LMBRD1: variants seen among roughly 807,000 people sequenced by gnomAD.
LMBRD1 encodes LMBR1 domain containing 1, also known as lysosomal cobalamin transport escort protein LMBD1.
LMBRD1 carries 64 observed loss-of-function variants against 74.8 expected under a neutral mutation model. That is an observed-to-expected ratio of 0.86 (90% confidence interval 0.70 to 1.05). LMBRD1 has a LOEUF of 1.05. Ranked by LOEUF, LMBRD1 falls within the 50% of genes least tolerant of loss-of-function variation. LMBRD1 has a pLI of 0.00. For synonymous variants in LMBRD1, 204 were observed against 216.3 expected, an observed-to-expected ratio of 0.94 and a Z score of 0.50; for missense variants, 652 against 645.9, an observed-to-expected ratio of 1.01 and a Z score of -0.10.
intron 1 of LMBRD1, among the ~76,000 whole-genome samples, chr6:69,791,326 G>A (rs1766078291): frequency 6.6e-6 from 1 of 152,156 alleles, no homozygotes; most frequent in Non-Finnish European, 1.5e-5. Flanking sequence ...GCTGGTCCAG[G>A]GCTGTATTTT....
intron 14 of LMBRD1, among the ~76,000 whole-genome samples, chr6:69,687,617 A>C (rs796718446): frequency 2.0e-5 from 3 of 152,332 alleles, no homozygotes; most frequent in Admixed American, 6.5e-5. Context: ...GCTTCTCCGT[A>C]TTACTAAAGA....
chr6:69,730,747 G>A (rs778731952), intron 7 of LMBRD1, among the ~76,000 whole-genome samples: 1 of 152,024 alleles, frequency 6.6e-6, no homozygotes, highest in Admixed American at 6.6e-5. Context: ...AAGATGCATC[G>A]GTAGTAAAGA....
At chr6:69,774,399 T>C (rs997988816) in intron 3 of LMBRD1, among the ~76,000 whole-genome samples, 23 of 152,348 alleles carry the variant, frequency 1.5e-4, no homozygotes, top group East Asian at 1.9e-4. Context: ...ACATGAGGAA[T>C]TGATAGGCCA....
At chr6:69,677,242 T>A (rs1422683324) in intron 14 of LMBRD1, among the ~76,000 whole-genome samples, 1 of 152,134 alleles carries the variant, frequency 6.6e-6, no homozygotes. Flanking sequence ...GGTCTGTATG[T>A]TCAGATTCTT....
At chr6:69,678,456 C>T (rs966239425) in intron 14 of LMBRD1, among the ~76,000 whole-genome samples, 3 of 151,854 alleles carry the variant, frequency 2.0e-5, no homozygotes, top group African/African-American at 7.3e-5. Flanking sequence ...CATAAGTGAA[C>T]CCATGCAGTT....
At chr6:69,747,460 A>G (rs527967039) in intron 5 of LMBRD1, among the ~76,000 whole-genome samples, 2 of 152,342 alleles carry the variant, frequency 1.3e-5, no homozygotes, top group South Asian at 4.1e-4. Flanking sequence ...TATGGCAGCC[A>G]AAGCAGATGA....
intron 6 of LMBRD1, among the ~76,000 whole-genome samples, chr6:69,740,020 C>T (rs561926126): frequency 3.1e-4 from 47 of 152,242 alleles, no homozygotes; most frequent in African/African-American, 1.1e-3. Context: ...GCAAGAGAAT[C>T]GCTTGAACCC....
intron 11 of LMBRD1, 34 bp downstream of exon 11, chr6:69,701,409 A>T (rs1196736421): frequency 1.3e-5 from 15 of 1,151,072 alleles, no homozygotes; most frequent in Non-Finnish European, 1.8e-5. Context: ...ATACTCTAGC[A>T]GCTACAGTAT....
chr6:69,686,866 C>T (rs1481584496), intron 14 of LMBRD1, among the ~76,000 whole-genome samples: 1 of 152,194 alleles, frequency 6.6e-6, no homozygotes, highest in Non-Finnish European at 1.5e-5. Flanking sequence ...TAGCTACAGC[C>T]ATCCCTTAAG....
intron 3 of LMBRD1, among the ~76,000 whole-genome samples, chr6:69,763,750 C>A (rs1301659871): frequency 1.3e-5 from 2 of 152,188 alleles, no homozygotes. Flanking sequence ...ACAGTGGGTC[C>A]TGAAGGCATA....
At chr6:69,712,751 AG>A (rs1766410849) in intron 9 of LMBRD1, among the ~76,000 whole-genome samples, 1 of 152,128 alleles carries the variant, frequency 6.6e-6, no homozygotes, top group Non-Finnish European at 1.5e-5. Context: ...TTGTCATCTA[AG>A]GGGAGGCAGT....
chr6:69,773,855 T>C lies in LMBRD1; in HGVS notation c.307+6639A>G, dbSNP rs889603255. On this transcript the variant is annotated intron_variant, in intron 3 of 15. Transcript: ENST00000649934. ...GCATGGATAAACTACGGTATGTTAA[T>C]ATAGTAATAAGAATCAACAGAGTAC... Among the ~76,000 whole-genome samples, 7 of 152,338 alleles carry C rather than the reference T, an allele frequency of 4.6e-5. No homozygotes were observed. In the South Asian group the frequency reaches 1.0e-3, roughly 23 times the overall value.
intron 14 of LMBRD1, among the ~76,000 whole-genome samples, chr6:69,690,566 G>T (rs918036709): frequency 1.3e-5 from 2 of 151,950 alleles, no homozygotes; most frequent in Non-Finnish European, 1.5e-5. Flanking sequence ...TCAGTATGTG[G>T]GATTTTTAAA....
At chr6:69,774,948 T>TGGAAGGAAGGAAGCAA (rs1765657867) in intron 3 of LMBRD1, among the ~76,000 whole-genome samples, 1 of 38,838 alleles carries the variant, frequency 2.6e-5, no homozygotes. Context: ...TACAGTGAGA[T>TGGAAGGAAGGAAGCAA]GGAAGGAAGG....
intron 14 of LMBRD1, among the ~76,000 whole-genome samples, chr6:69,680,552 A>AATT (rs147418499): frequency 0.016 from 2,458 of 151,860 alleles, 52 homozygotes; most frequent in African/African-American, 0.056. Flanking sequence ...CATATCTTAA[A>AATT]TATTTTTTTG....
intron 14 of LMBRD1, among the ~76,000 whole-genome samples, chr6:69,678,995 G>A (rs1765604734): frequency 6.7e-6 from 1 of 148,888 alleles, no homozygotes; most frequent in Non-Finnish European, 1.5e-5. Context: ...ATTTACTTCT[G>A]AATTGCTCAA....
chr6:69,674,392 T>C lies in LMBRD1; in HGVS notation c.*1766A>G, dbSNP rs1003701523. Reference sequence around the variant, plus strand: ...GGAGAAGAAGGGACAAATGGAAAGATAGGAAGTAGAAATTAACATGACATG... The same window carrying C: ...GGAGAAGAAGGGACAAATGGAAAGACAGGAAGTAGAAATTAACATGACATG... On this transcript the variant is annotated 3_prime_UTR_variant, in exon 16 of 16. Coordinates refer to ENST00000649934, the MANE Select transcript of LMBRD1 (RefSeq NM_018368.4). Among the ~76,000 whole-genome samples, 2 of 152,100 alleles carry C rather than the reference T, an allele frequency of 1.3e-5. No individual in the cohort carries two copies. The highest frequency in any genetic ancestry group is 2.1e-4 in the South Asian group (1 of 4,820).
chr6:69,682,870 T>C (rs1420587451), intron 14 of LMBRD1, among the ~76,000 whole-genome samples: 2 of 151,966 alleles, frequency 1.3e-5, no homozygotes, highest in Non-Finnish European at 2.9e-5. Context: ...GTGTGGTATA[T>C]GGTGCTAGAT....
chr6:69,718,998 G>A lies in LMBRD1; in HGVS notation c.720C>T (p.Asp240=), dbSNP rs758376222. ...GAATGTGTTGTTCTACTTCTTCAAT[G>A]TCTTCAGTGTTTTCCAAACGTTCAT... ...AAYERLENTE[D]IEEVEQHIQT... The change falls in exon 8 of 16, where the codon GAC becomes GAT. Residue 240 remains aspartate (D), a synonymous_variant. Coordinates refer to ENST00000649934, the MANE Select transcript of LMBRD1 (RefSeq NM_018368.4). 3.1e-6 allele frequency: 5 copies of A among 1,613,260 alleles called. No individual in the cohort carries two copies. In the African/African-American group the frequency reaches 5.3e-5, roughly 17 times the overall value.
Sources: gnomAD v4.1 joint callset for allele counts (sites outside exome capture counted in the v4.1 genomes callset) on GRCh38, gnomAD v4.1.1 for gene constraint, MANE v1.5 for transcripts, NCBI Gene and HGNC (gene_info 2026-07-23, HGNC 2026-07-21) for gene names.